The following WASF3 variants were observed in gnomAD, a reference collection of about 807,000 sequenced individuals.
The protein encoded by WASF3 is WASP family member 3, also known as actin-binding protein WASF3.
WASF3 carries 11 observed loss-of-function variants against 46.6 expected under a neutral mutation model. That is an observed-to-expected ratio of 0.24 (90% CI 0.15 to 0.39). The LOEUF is 0.39. Among genes scored for constraint, WASF3 ranks in the 10% least tolerant of loss-of-function variants. WASF3 has a pLI of 1.00. For missense variants in WASF3, 576 were observed against 669.8 expected, an observed-to-expected ratio of 0.86 and a Z score of 1.55; for synonymous variants, 242 against 259.7, an observed-to-expected ratio of 0.93 and a Z score of 0.65.
intron 2 of WASF3, among the ~76,000 whole-genome samples, chr13:26,613,727 G>A (rs1169728264): frequency 1.3e-5 from 2 of 152,128 alleles, no homozygotes; most frequent in African/African-American, 4.8e-5. Context: ...CCGAGATCGT[G>A]CCACTGCACT....
At chr13:26,607,184 C>T (rs748340049) in intron 1 of WASF3, among the ~76,000 whole-genome samples, 1 of 152,104 alleles carries the variant, frequency 6.6e-6, no homozygotes, top group Non-Finnish European at 1.5e-5. Flanking sequence ...CTGTGTCTCT[C>T]CACTTAACAC....
intron 3 of WASF3, among the ~76,000 whole-genome samples, chr13:26,645,905 T>C (rs1882137090): frequency 6.6e-6 from 1 of 152,138 alleles, no homozygotes. Context: ...TAAGAGGAAG[T>C]TCAATAATCT....
intron 9 of WASF3, among the ~76,000 whole-genome samples, chr13:26,683,723 G>C (rs1447849355): frequency 1.3e-5 from 2 of 152,018 alleles, no homozygotes; most frequent in African/African-American, 4.8e-5. Context: ...ATATTCAACA[G>C]CATAACCCTT....
In WASF3 at chr13:26,559,808, C is replaced by CTTTTT. The variant is rs770616922; in HGVS notation, c.-109+2011_-109+2015dup. Among the ~76,000 whole-genome samples the CTTTTT allele has an allele frequency of 1.3e-3, 93 of 73,438 alleles. 1 individual carries two copies. Among genetic ancestry groups the CTTTTT allele is most frequent in the Admixed American group, 2.5e-3 (13 of 5,100 alleles). 48.2% of individuals were successfully genotyped at this position (73,438 alleles called of 152,430 possible). A position where few individuals can be genotyped will look rare whatever the true frequency, so the allele number is the denominator to read the frequency against. ...TTTTCTTTTCTTTCTTTCTTTCTTT[C>CTTTTT]TTTTTTTTTTTTTTTTTTTTTTTTT... is the stretch of plus-strand genomic sequence containing the variant. On this transcript the variant is annotated intron_variant, in intron 1 of 9. Transcript: ENST00000335327.
At chr13:26,646,162 A>G (rs1882144785) in intron 3 of WASF3, among the ~76,000 whole-genome samples, 2 of 152,236 alleles carry the variant, frequency 1.3e-5, no homozygotes, top group African/African-American at 4.8e-5. Flanking sequence ...AAATGATGTC[A>G]ATGTTTTGCA....
rs1330173726 is a variant in WASF3, at chr13:26,671,881, G to A, written c.432G>A (p.Lys144=). The change falls in exon 6 of 10, where the codon AAG becomes AAA. Residue 144 remains lysine, a synonymous_variant. Transcript: ENST00000335327. ...ATACATTGATTTGTAGAGATGACAA[G>A]AAGGATGGGCTGAAGTTCTATACTG... is the stretch of plus-strand genomic sequence containing the variant. ...LNILTPYRDD[K]KDGLKFYTDP... is the part of the protein sequence containing the mutation. 3.1e-6 allele frequency: 5 copies of A among 1,591,294 alleles called. No homozygotes were observed. The South Asian group carries it at 4.6e-5, about 15-fold the overall frequency.
At position 26,681,102 on chromosome 13, in the gene WASF3, C is replaced by T; in HGVS notation, c.765C>T (p.Asn255=). ...VTDYSYPATP[N]HSLHPQPVTP... Reference sequence around the variant, plus strand: ...ATTACTCTTACCCGGCTACTCCCAACCATTCTCTGCACCCCCAGCCTGTGA... The same window carrying T: ...ATTACTCTTACCCGGCTACTCCCAATCATTCTCTGCACCCCCAGCCTGTGA... The change falls in exon 8 of 10, where the codon AAC becomes AAT. Residue 255 remains asparagine (N), a synonymous_variant. Transcript: ENST00000335327. The T allele has an allele frequency of 6.2e-7, 1 of 1,614,240 alleles. No homozygotes were observed. The highest frequency in any genetic ancestry group is 8.5e-7 in the Non-Finnish European group (1 of 1,180,040).
At chr13:26,622,164 G>A (rs1245062338) in intron 2 of WASF3, among the ~76,000 whole-genome samples, 1 of 152,102 alleles carries the variant, frequency 6.6e-6, no homozygotes, top group Non-Finnish European at 1.5e-5. Context: ...CTAATTACCT[G>A]GCATGCAGCA....
intron 2 of WASF3, chr13:26,638,525 C>T (rs557094744): frequency 6.6e-6 from 1 of 152,286 alleles, no homozygotes; most frequent in South Asian, 2.1e-4. Context: ...CATAGTTCTT[C>T]CAATAAAGGA....
chr13:26,669,896 A>G (rs567766206), intron 5 of WASF3, among the ~76,000 whole-genome samples: 69 of 152,310 alleles, frequency 4.5e-4, no homozygotes, highest in Non-Finnish European at 2.2e-4. Context: ...GAACGCTTTT[A>G]TACTGTTGGT....
At chr13:26,578,830 A>T (rs1879880731) in intron 1 of WASF3, among the ~76,000 whole-genome samples, 1 of 151,980 alleles carries the variant, frequency 6.6e-6, no homozygotes, top group Non-Finnish European at 1.5e-5. Context: ...TCTTGATATC[A>T]TTTAACATCT....
chr13:26,633,608 G>C (rs1881725550), intron 2 of WASF3, among the ~76,000 whole-genome samples: 1 of 152,160 alleles, frequency 6.6e-6, no homozygotes, highest in African/African-American at 2.4e-5. Context: ...GATCTTTCCT[G>C]CTTTCTCTTG....
At position 26,667,718 on chromosome 13, in the gene WASF3, C is replaced by G. The variant is rs778045071; in HGVS notation, c.422+48C>G. On this transcript the variant is annotated intron_variant, in intron 5 of 9. Transcript: ENST00000335327. ...GCCTCTCCTTGAGATGAGGGGAGAG[C>G]TGGGCAGAGCTGGGAGCAAGCTGAT... The G allele has an allele frequency of 3.9e-6, 6 of 1,557,382 alleles. No individual in the cohort carries two copies. The Admixed American group carries it at 1.1e-4, about 29-fold the overall frequency.
At chr13:26,642,816 A>G (rs1882038610) in intron 3 of WASF3, among the ~76,000 whole-genome samples, 1 of 152,240 alleles carries the variant, frequency 6.6e-6, no homozygotes, top group Non-Finnish European at 1.5e-5. Flanking sequence ...TGCCTGGCAC[A>G]TAGTACCTAC....
chr13:26,682,789 G>T lies in WASF3; in HGVS notation c.1166G>T (p.Gly389Val). ...GCTCCTCCTCACCCACCCTCCACCG[G>T]GCTCCTGGTCACAGCCCCGCCACCC... ...HAAPPHPPSTGLLVTAPPPPG... is the reference protein window; with the variant it reads ...HAAPPHPPSTVLLVTAPPPPG... Residue 389 changes from glycine to valine, a missense_variant, in exon 9 of 10, where the codon GGG becomes GTG. Gly to Val is a moderately radical substitution (Grantham distance 109). Transcript: ENST00000335327. The surrounding 1 kb of genome is among the most constrained non-coding windows in gnomAD (Gnocchi z 4.4). 1 of 1,611,362 alleles carries T rather than the reference G, an allele frequency of 6.2e-7. No individual in the cohort carries two copies. Among genetic ancestry groups the T allele is most frequent in the Non-Finnish European group, 8.5e-7 (1 of 1,179,926 alleles).
At chr13:26,559,044 C>G (rs959347127) in intron 1 of WASF3, among the ~76,000 whole-genome samples, 1 of 152,214 alleles carries the variant, frequency 6.6e-6, no homozygotes, top group Non-Finnish European at 1.5e-5. Context: ...CCTTTTCTAG[C>G]AGTTAAACAA....
intron 1 of WASF3, among the ~76,000 whole-genome samples, chr13:26,580,460 A>G (rs1879943268): frequency 6.6e-6 from 1 of 152,280 alleles, no homozygotes; most frequent in South Asian, 2.1e-4. Context: ...CAAGCATTAG[A>G]TTAATATTTC....
At chr13:26,646,575 T>C (rs943848225) in intron 3 of WASF3, among the ~76,000 whole-genome samples, 1 of 151,636 alleles carries the variant, frequency 6.6e-6, no homozygotes, top group Non-Finnish European at 1.5e-5. Flanking sequence ...CAGCAGAAAA[T>C]CATTTTCAGG....
intron 2 of WASF3, among the ~76,000 whole-genome samples, chr13:26,622,314 A>G (rs955092468): frequency 6.6e-6 from 1 of 152,198 alleles, no homozygotes; most frequent in Non-Finnish European, 1.5e-5. Flanking sequence ...AAATCTATTC[A>G]GTTAATTTTG....
Sources: allele counts gnomAD v4.1 joint callset (sites outside exome capture counted in the v4.1 genomes callset), GRCh38; gene constraint gnomAD v4.1.1; non-coding constraint Gnocchi (gnomAD v3.1); transcripts MANE v1.5; gene names NCBI Gene and HGNC (gene_info 2026-07-23, HGNC 2026-07-21).